Variants in MYBL2 observed in about 807,000 individuals in gnomAD.
The protein encoded by MYBL2 is myb-related protein B.
MYBL2 carries 28 observed loss-of-function variants against 79.9 expected under a neutral mutation model. The ratio of observed to expected loss-of-function variants is 0.35; its 90% CI spans 0.26 to 0.48. The LOEUF (loss-of-function observed/expected upper bound fraction) is 0.48, where lower values mean the gene tolerates loss of function less well. MYBL2 is among the 20% of genes least tolerant of loss of function. The pLI is 0.99. For missense variants in MYBL2, 735 were observed against 893.9 expected (o/e 0.82, Z 2.27); for synonymous variants, 378 against 361.2 (o/e 1.05, Z -0.53).
intron 4 of MYBL2, among the ~76,000 whole-genome samples, chr20:43,685,096 G>A (rs1299587851): frequency 7.4e-5 from 11 of 149,254 alleles, no homozygotes; most frequent in African/African-American, 2.0e-4. Flanking sequence ...GCAGTGAGCC[G>A]AGATGGCGCC....
At chr20:43,678,092 C>T (rs199940928) in intron 2 of MYBL2, among the ~76,000 whole-genome samples, 21 of 150,096 alleles carry the variant, frequency 1.4e-4, no homozygotes, top group South Asian at 4.1e-4. Flanking sequence ...GTTAAACAGA[C>T]GCTTGAAGGC....
intron 4 of MYBL2, among the ~76,000 whole-genome samples, chr20:43,684,075 C>T (rs1269905094): frequency 2.0e-5 from 3 of 151,944 alleles, no homozygotes; most frequent in African/African-American, 7.3e-5. Flanking sequence ...GCCACATGTG[C>T]CACCATGTCT....
chr20:43,677,907 T>A (rs1448293762), intron 2 of MYBL2, among the ~76,000 whole-genome samples: 1 of 152,178 alleles, frequency 6.6e-6, no homozygotes, highest in African/African-American at 2.4e-5. Context: ...ATGGTTGCCG[T>A]GTCTGTGTAG....
At chr20:43,712,953 G>T (rs757690565) in intron 11 of MYBL2, 49 bp from the exon 12 acceptor site, 22 of 1,443,800 alleles carry the variant, frequency 1.5e-5, no homozygotes, top group Non-Finnish European at 2.0e-5. Flanking sequence ...TGCTGACCAT[G>T]GGGAATCCAG....
Position 43,697,900 on chromosome 20 carries a change from G to A in MYBL2, c.664-1857G>A, listed in dbSNP as rs1378817857. On this transcript the variant is annotated intron_variant, in intron 6 of 13. Transcript: ENST00000217026. ...ACTGCATTTCAGCCTGGGCAACAGA[G>A]TGAGACTCCATCTCAAAAAAAAAAA... Among the ~76,000 whole-genome samples the A allele has an allele frequency of 1.2e-4, 18 of 147,318 alleles. 1 individual carries two copies. Among genetic ancestry groups the A allele is most frequent in the African/African-American group, 4.3e-4 (17 of 39,494 alleles).
intron 5 of MYBL2, among the ~76,000 whole-genome samples, chr20:43,691,403 C>T (rs2145720978): frequency 6.6e-6 from 1 of 152,162 alleles, no homozygotes; most frequent in South Asian, 2.1e-4. Flanking sequence ...CTCATCACAA[C>T]CTCCACCTCC....
chr20:43,686,817 C>T (rs377649319), intron 4 of MYBL2, 35 bp from the exon 5 acceptor site: 71 of 1,600,102 alleles, frequency 4.4e-5, no homozygotes, highest in South Asian at 5.6e-5. Flanking sequence ...AGAGAGGGGC[C>T]GGTGCAAGTG....
intron 3 of MYBL2, 40 bp downstream of exon 3, chr20:43,681,895 G>T: frequency 1.2e-6 from 2 of 1,602,024 alleles, no homozygotes; most frequent in Non-Finnish European, 1.7e-6. Context: ...CGGGGCAAGG[G>T]CTCTGGGAGA....
intron 10 of MYBL2, among the ~76,000 whole-genome samples, chr20:43,711,236 G>T (rs1027917193): frequency 6.6e-6 from 1 of 152,224 alleles, no homozygotes; most frequent in Non-Finnish European, 1.5e-5. Context: ...GCACAGGGCT[G>T]TGTGAGGGTT....
chr20:43,698,742 C>T (rs923872270), intron 6 of MYBL2, among the ~76,000 whole-genome samples: 2 of 149,148 alleles, frequency 1.3e-5, no homozygotes, highest in Non-Finnish European at 3.0e-5. Flanking sequence ...GATCATAGCT[C>T]ACTGCAACCT....
At position 43,705,212 on chromosome 20, in the gene MYBL2, T is replaced by C. The variant is rs1987753394; in HGVS notation, c.1366-7T>C. 6.2e-7 allele frequency: 1 copy of C among 1,613,296 alleles called. No individual in the cohort carries two copies. The highest frequency in any genetic ancestry group is 1.3e-5 in the African/African-American group (1 of 74,926). On this transcript the variant is annotated splice_region_variant and splice_polypyrimidine_tract_variant and intron_variant, in intron 8 of 13. Coordinates refer to ENST00000217026, the MANE Select transcript of MYBL2 (RefSeq NM_002466.4). ...TTTTGTCTTGTTCCCTCTCTCTTCT[T>C]TGGCAGTTTCTGAACTTCTGGAACA...
intron 6 of MYBL2, among the ~76,000 whole-genome samples, chr20:43,698,110 G>A (rs1166897178): frequency 1.0e-5 from 1 of 95,810 alleles, no homozygotes; most frequent in East Asian, 3.0e-4. Context: ...CATTTTATTT[G>A]TATATTAAGG....
rs975802387 is a variant in MYBL2, at chr20:43,702,619, C to A, written c.1081C>A (p.Pro361Thr). 1.2e-6 allele frequency: 2 copies of A among 1,614,162 alleles called. No homozygotes were observed. The change falls in exon 8 of 14, where the codon CCT (proline) becomes ACT (threonine). Residue 361 changes from proline (P) to threonine (T), a missense_variant. Pro to Thr is a conservative substitution (Grantham distance 38). Transcript: ENST00000217026. ...GCAGCAAGTCCTGCCACCCCGCCAGCCTTCCGCCCTGGTGCCCAGTGTGAC... is the reference window on the plus strand; with the variant it reads ...GCAGCAAGTCCTGCCACCCCGCCAGACTTCCGCCCTGGTGCCCAGTGTGAC... ...HQQQVLPPRQ[P>T]SALVPSVTEY... is the part of the protein sequence containing the mutation.
At position 43,711,498 on chromosome 20, in the gene MYBL2, C is replaced by G; in HGVS notation, c.1616C>G (p.Pro539Arg). The change falls in exon 11 of 14, where the codon CCG (proline) becomes CGG (arginine). Residue 539 changes from proline to arginine, a missense_variant. Pro to Arg is a moderately radical substitution (Grantham distance 103). Around this residue, in one of 5 missense-constraint regions of MYBL2, gnomAD observed 243 missense variants for 327.2 expected, o/e 0.74. Transcript: ENST00000217026. ...YGPLKPLPQT[P>R]HLEEDLKEVL... ...CGTGCCTACCCACAGCCACAGACCC[C>G]GCACCTGGAGGAGGACTTGAAGGAG... The G allele has an allele frequency of 6.2e-7, 1 of 1,612,764 alleles. No homozygotes were observed. Among genetic ancestry groups the G allele is most frequent in the Non-Finnish European group, 8.5e-7 (1 of 1,179,438 alleles).
rs929681869 is a variant in MYBL2 at position 43,681,371 on chromosome 20, A to G, written c.115-413A>G. ...TCTTCAAACACATCAGTGGTTTTGC[A>G]TGATAGATGGTTGAACTGATGCTGC... On this transcript the variant is annotated intron_variant, in intron 2 of 13. Transcript: ENST00000217026. Among the ~76,000 whole-genome samples, 4 of 152,190 alleles carry G rather than the reference A, an allele frequency of 2.6e-5. No individual in the cohort carries two copies. In the South Asian group the frequency reaches 6.2e-4, roughly 24 times the overall value.
chr20:43,697,822 G>A (rs531298854), intron 6 of MYBL2, among the ~76,000 whole-genome samples: 53 of 150,360 alleles, frequency 3.5e-4, no homozygotes, highest in Non-Finnish European at 7.0e-4. Flanking sequence ...GGCTGAGGCA[G>A]GAGAATGGCG....
intron 2 of MYBL2, among the ~76,000 whole-genome samples, chr20:43,680,600 C>G (rs1987120572): frequency 6.6e-6 from 1 of 152,012 alleles, no homozygotes; most frequent in South Asian, 2.1e-4. Flanking sequence ...CAGGTTCAAG[C>G]AATTCTTCCT....
intron 1 of MYBL2, among the ~76,000 whole-genome samples, chr20:43,670,346 G>T (rs1224156720): frequency 6.6e-6 from 1 of 152,116 alleles, no homozygotes; most frequent in East Asian, 1.9e-4. Flanking sequence ...AGTGGTGGAG[G>T]ACCCATGAAC....
chr20:43,703,414 C>A (rs540504965), intron 8 of MYBL2, among the ~76,000 whole-genome samples: 3 of 152,310 alleles, frequency 2.0e-5, no homozygotes, highest in Admixed American at 2.0e-4. Context: ...ACTCACTGTT[C>A]TGGGTGTTGC....
Sources: gnomAD v4.1 joint callset for allele counts (sites outside exome capture counted in the v4.1 genomes callset) on GRCh38, gnomAD v4.1.1 for gene constraint, gnomAD v4.1.1 regional missense constraint, MANE v1.5 for transcripts, NCBI Gene and HGNC (gene_info 2026-07-23, HGNC 2026-07-21) for gene names.